The following ZCWPW2 variants were observed in gnomAD, a reference collection of about 807,000 sequenced individuals.
The protein encoded by ZCWPW2 is zinc finger CW-type and PWWP domain containing 2.
ZCWPW2 carries 45 observed loss-of-function variants against 46.6 expected under a neutral mutation model. That is an observed-to-expected ratio of 0.96 (90% CI 0.76 to 1.24). ZCWPW2 has a LOEUF of 1.24. Among genes scored for constraint, ZCWPW2 ranks in the 50% most tolerant of loss-of-function variants. The pLI, the probability that ZCWPW2 is intolerant of heterozygous loss-of-function variation, is 0.00. For missense variants in ZCWPW2, 429 were observed against 403.9 expected (o/e 1.06, Z -0.53); for synonymous variants, 152 against 137.1 (o/e 1.11, Z -0.76).
chr3:28,449,453 T>C (rs1698140013), intron 4 of ZCWPW2, among the ~76,000 whole-genome samples: 1 of 152,216 alleles, frequency 6.6e-6, no homozygotes, highest in Admixed American at 6.5e-5. Flanking sequence ...TGATTCCATT[T>C]ATATGAAGTA....
intron 5 of ZCWPW2, among the ~76,000 whole-genome samples, 154 bp downstream of exon 5, chr3:28,479,085 T>C (rs60690028): frequency 0.42 from 64,196 of 152,000 alleles, 13,819 homozygotes; most frequent in East Asian, 0.65. Flanking sequence ...TTTATATCAA[T>C]GAATAGCATA....
At chr3:28,456,202 C>T (rs1286086298) in intron 4 of ZCWPW2, among the ~76,000 whole-genome samples, 1 of 152,070 alleles carries the variant, frequency 6.6e-6, no homozygotes, top group African/African-American at 2.4e-5. Flanking sequence ...CCTTCACTTC[C>T]CTTGTTAGCT....
At chr3:28,482,136 T>C (rs1021238794) in intron 5 of ZCWPW2, among the ~76,000 whole-genome samples, 5 of 152,220 alleles carry the variant, frequency 3.3e-5, no homozygotes, top group African/African-American at 1.2e-4. Context: ...AAATCCTTTG[T>C]GTTCCAGCTG....
At chr3:28,506,132 A>T (rs923092396) in intron 6 of ZCWPW2, among the ~76,000 whole-genome samples, 2 of 147,252 alleles carry the variant, frequency 1.4e-5, no homozygotes, top group Admixed American at 6.9e-5. Flanking sequence ...ATATATTTTT[A>T]ATATATATAT....
chr3:28,428,780 A>G lies in ZCWPW2; in HGVS notation c.333-6330A>G, dbSNP rs1467434752. Among the ~76,000 whole-genome samples, 18 of 152,016 alleles carry G rather than the reference A, an allele frequency of 1.2e-4. 1 individual carries two copies. The highest frequency in any genetic ancestry group is 1.2e-3 in the Admixed American group (18 of 15,258). Reference sequence around the variant, plus strand: ...ATCTCATGAGATCCAATGGTTTTATAAGGGACTTTTCCCCCTTCACTTGGC... The same window carrying G: ...ATCTCATGAGATCCAATGGTTTTATGAGGGACTTTTCCCCCTTCACTTGGC... On this transcript the variant is annotated intron_variant, in intron 3 of 9. Coordinates refer to ENST00000383768, the MANE Select transcript of ZCWPW2 (RefSeq NM_001040432.4).
At chr3:28,358,816 A>G (rs1704834313) in intron 1 of ZCWPW2, among the ~76,000 whole-genome samples, 1 of 152,016 alleles carries the variant, frequency 6.6e-6, no homozygotes, top group Non-Finnish European at 1.5e-5. Context: ...AAGTTGGAGG[A>G]GGAATTTATA....
chr3:28,408,835 C>T (rs1696272592), intron 2 of ZCWPW2, among the ~76,000 whole-genome samples: 2 of 152,146 alleles, frequency 1.3e-5, no homozygotes, highest in African/African-American at 2.4e-5. Flanking sequence ...CAGTTGTTCA[C>T]ATAGACTGTC....
chr3:28,369,183 G>A (rs539328053), intron 1 of ZCWPW2, among the ~76,000 whole-genome samples: 11 of 152,254 alleles, frequency 7.2e-5, no homozygotes, highest in South Asian at 2.1e-4. Flanking sequence ...TCCATCCAGC[G>A]TTGTTCCGTT....
intron 2 of ZCWPW2, among the ~76,000 whole-genome samples, chr3:28,403,558 T>A (rs1422704360): frequency 6.6e-6 from 1 of 152,108 alleles, no homozygotes; most frequent in Non-Finnish European, 1.5e-5. Context: ...AAAATTTATG[T>A]GGAACCAAAA....
chr3:28,349,990 TGAA>T (rs1436922124), intron 1 of ZCWPW2, among the ~76,000 whole-genome samples: 1 of 152,234 alleles, frequency 6.6e-6, no homozygotes, highest in East Asian at 1.9e-4. Context: ...GACCACAAGT[TGAA>T]GTTTTATGAC....
chr3:28,356,297 A>G (rs1329947995), intron 1 of ZCWPW2, among the ~76,000 whole-genome samples: 1 of 151,808 alleles, frequency 6.6e-6, no homozygotes, highest in African/African-American at 2.4e-5. Flanking sequence ...CACAACCACA[A>G]TGAGACACCA....
intron 3 of ZCWPW2, among the ~76,000 whole-genome samples, chr3:28,427,718 A>G (rs546678476): frequency 2.6e-5 from 4 of 152,344 alleles, no homozygotes; most frequent in South Asian, 4.1e-4. Flanking sequence ...AGACTATCAA[A>G]ATAGCCATTC....
intron 1 of ZCWPW2, among the ~76,000 whole-genome samples, chr3:28,381,050 GTA>G (rs60041322): frequency 0.11 from 1,348 of 12,064 alleles, 293 homozygotes; most frequent in South Asian, 0.17. Context: ...TATATTTGGT[GTA>G]TATATATATA....
intron 2 of ZCWPW2, among the ~76,000 whole-genome samples, chr3:28,408,038 T>C (rs1696234429): frequency 6.6e-6 from 1 of 152,206 alleles, no homozygotes; most frequent in African/African-American, 2.4e-5. Context: ...ATCTATATTC[T>C]AAATTCTGGT....
At chr3:28,466,778 G>A (rs1698840135) in intron 4 of ZCWPW2, among the ~76,000 whole-genome samples, 1 of 152,088 alleles carries the variant, frequency 6.6e-6, no homozygotes, top group Admixed American at 6.6e-5. Context: ...CAGCCGGGGT[G>A]ACGAGCAAGA....
rs374645330 is a variant in ZCWPW2 at position 28,495,116 on chromosome 3, G to A, written c.657+2943G>A. On this transcript the variant is annotated intron_variant, in intron 6 of 9. Transcript: ENST00000383768. ...ATGGAACCAAAAAAGAGCCCGCATCGCCAAGTCAATCCTAAGCCAAAAGAA... is the reference window on the plus strand; with the variant it reads ...ATGGAACCAAAAAAGAGCCCGCATCACCAAGTCAATCCTAAGCCAAAAGAA... 1.0e-3 allele frequency among the ~76,000 whole-genome samples: 151 copies of A among 151,650 alleles called. 1 individual carries two copies. The East Asian group carries it at 0.013, about 13-fold the overall frequency.
intron 2 of ZCWPW2, among the ~76,000 whole-genome samples, chr3:28,403,125 A>T (rs1435547084): frequency 6.6e-6 from 1 of 152,154 alleles, no homozygotes; most frequent in African/African-American, 2.4e-5. Context: ...TTTGATGATG[A>T]TGTGAGTGTT....
At chr3:28,358,258 A>G (rs12107561) in intron 1 of ZCWPW2, among the ~76,000 whole-genome samples, 31,666 of 152,036 alleles carry the variant, frequency 0.21, 3,698 homozygotes, top group Admixed American at 0.28. Flanking sequence ...AATTCCTGAA[A>G]TGACTCCTTA....
intron 3 of ZCWPW2, among the ~76,000 whole-genome samples, chr3:28,420,191 T>G (rs184193025): frequency 2.5e-4 from 38 of 152,278 alleles, no homozygotes; most frequent in African/African-American, 9.1e-4. Context: ...CTTTTGAATG[T>G]GTTTGCTCTT....
Sources: gnomAD v4.1 joint callset for allele counts (sites outside exome capture counted in the v4.1 genomes callset) on GRCh38, gnomAD v4.1.1 for gene constraint, MANE v1.5 for transcripts, NCBI Gene and HGNC (gene_info 2026-07-23, HGNC 2026-07-21) for gene names.